The following PLA2G4B variants were observed in gnomAD, a reference collection of about 807,000 sequenced individuals.
The protein encoded by PLA2G4B is cytosolic phospholipase A2 beta.
PLA2G4B carries 122 observed loss-of-function variants against 95.8 expected under a neutral mutation model. That is an observed-to-expected ratio of 1.27 (90% CI 1.10 to 1.48). The LOEUF is 1.48. PLA2G4B is among the 40% of genes most tolerant of loss of function. The pLI, the probability that PLA2G4B is intolerant of heterozygous loss-of-function variation, is 0.00. For missense variants in PLA2G4B, 1,158 were observed against 996.2 expected (o/e 1.16, Z -2.19); for synonymous variants, 518 against 421.5 (o/e 1.23, Z -2.80).
intron 10 of PLA2G4B, chr15:41,843,312 A>C: frequency 5.5e-6 from 1 of 182,846 alleles, no homozygotes; most frequent in Non-Finnish European, 1.1e-5. Flanking sequence ...GCCTCAAGTT[A>C]TATGCCTGCC....
At position 41,842,560 on chromosome 15, in the gene PLA2G4B, C is replaced by T. The variant is rs2065453397; in HGVS notation, c.712C>T (p.Leu238=). 2.5e-6 allele frequency: 4 copies of T among 1,610,802 alleles called. No homozygotes were observed. Among genetic ancestry groups the T allele is most frequent in the Non-Finnish European group, 3.4e-6 (4 of 1,179,132 alleles). The change falls in exon 10 of 20, where the codon CTG becomes TTG. Residue 238 remains leucine (L), a synonymous_variant. Coordinates refer to ENST00000458483, the MANE Select transcript of PLA2G4B (RefSeq NM_001114633.2). The part of the protein sequence containing the change: ...RLVFPTSQEP[L]MRVELKKEAG... Reference sequence around the variant, plus strand: ...GGGCCTTCACGGTTTTCAGGAGCCCCTGATGAGAGTGGAGCTGAAAAAAGA... The same window carrying T: ...GGGCCTTCACGGTTTTCAGGAGCCCTTGATGAGAGTGGAGCTGAAAAAAGA...
rs370668656 is a variant in PLA2G4B, at chr15:41,838,928, G to A, written c.9+6G>A. On this transcript the variant is annotated splice_donor_region_variant and intron_variant, in intron 1 of 19. Transcript: ENST00000458483. ...GACTCAGTCTCATGGCTGTGGTAAG[G>A]CCTGGCAGGGCCCTGGGTCCCTACT... 8 of 1,590,618 alleles carry A rather than the reference G, an allele frequency of 5.0e-6. No individual in the cohort carries two copies. The highest frequency in any genetic ancestry group is 1.7e-4 in the Middle Eastern group (1 of 6,056).
Position 41,847,659 on chromosome 15 carries a change from G to A in PLA2G4B, c.2145G>A (p.Arg715=), listed in dbSNP as rs570785060. 1 of 1,613,628 alleles carries A rather than the reference G, an allele frequency of 6.2e-7. No homozygotes were observed. Among genetic ancestry groups the A allele is most frequent in the African/African-American group, 1.3e-5 (1 of 75,056 alleles). Residue 715 remains arginine (R), a synonymous_variant, in exon 20 of 20, where the codon CGG becomes CGA. Transcript: ENST00000458483. The part of the protein sequence containing the change: ...FREYSAPGVR[R]TPEEAAAGEV... ...GCACTCTCTCCACAGGGGTCCGGCG[G>A]ACACCCGAGGAGGCGGCAGCTGGGG... is the stretch of plus-strand genomic sequence containing the variant.
Position 41,847,796 on chromosome 15 carries a change from A to G in PLA2G4B, c.2282A>G (p.Gln761Arg), listed in dbSNP as rs1226423686. ...ACACATTACAATGTCTGCAACAACCAGGAGCAGCTGCTGGAGGCTCTGCGC... is the reference window on the plus strand; with the variant it reads ...ACACATTACAATGTCTGCAACAACCGGGAGCAGCTGCTGGAGGCTCTGCGC... The part of the protein sequence containing the change: ...HLTHYNVCNN[Q>R]EQLLEALRQA... Residue 761 changes from glutamine to arginine, a missense_variant, in exon 20 of 20, where the codon CAG becomes CGG. Physicochemically the swap from Gln to Arg is conservative, Grantham distance 43. Coordinates refer to ENST00000458483, the MANE Select transcript of PLA2G4B (RefSeq NM_001114633.2). 16 of 1,613,378 alleles carry G rather than the reference A, an allele frequency of 9.9e-6. No individual in the cohort carries two copies. The South Asian group carries it at 1.5e-4, about 15-fold the overall frequency.
At position 41,841,951 on chromosome 15, in the gene PLA2G4B, T is replaced by A. The variant is rs749081131; in HGVS notation, c.621+2T>A. ...CAGGAGCTGAGTATTCGCCTGCAGG[T>A]AGTGTGCCTCGCTCCCTCGAGGTGG... On this transcript the variant is annotated splice_donor_variant, in intron 8 of 19. Coordinates refer to ENST00000458483, the MANE Select transcript of PLA2G4B (RefSeq NM_001114633.2). LOFTEE classifies it high-confidence loss of function. 1 of 1,610,298 alleles carries A rather than the reference T, an allele frequency of 6.2e-7. No homozygotes were observed. Among genetic ancestry groups the A allele is most frequent in the Admixed American group, 1.7e-5 (1 of 59,918 alleles).
Position 41,847,666 on chromosome 15 carries a change from G to A in PLA2G4B, c.2152G>A (p.Glu718Lys), listed in dbSNP as rs556452143. 19 of 1,613,592 alleles carry A rather than the reference G, an allele frequency of 1.2e-5. No homozygotes were observed. In the African/African-American group the frequency reaches 1.9e-4, roughly 16 times the overall value. Residue 718 changes from glutamate (E) to lysine (K), a missense_variant, in exon 20 of 20, where the codon GAG becomes AAG. Coordinates refer to ENST00000458483, the MANE Select transcript of PLA2G4B (RefSeq NM_001114633.2). ...YSAPGVRRTP[E>K]EAAAGEVNLS... ...CTCCACAGGGGTCCGGCGGACACCC[G>A]AGGAGGCGGCAGCTGGGGAGGTGAA...
chr15:41,838,985 A>C, intron 1 of PLA2G4B, 63 bp downstream of exon 1: 1 of 1,359,116 alleles, frequency 7.4e-7, no homozygotes, highest in East Asian at 2.5e-5. Flanking sequence ...GGGCCTAGTT[A>C]ATATGTTTCT....
At chr15:41,839,556 G>A (rs1278321903) in intron 1 of PLA2G4B, 1 of 153,908 alleles carries the variant, frequency 6.5e-6, no homozygotes, top group Non-Finnish European at 1.4e-5. Context: ...CCAGGAGAGA[G>A]CCCATTTCCA....
chr15:41,840,996 C>G, intron 4 of PLA2G4B, 59 bp from the exon 5 acceptor site: 1 of 1,573,528 alleles, frequency 6.4e-7, no homozygotes, highest in Non-Finnish European at 8.7e-7. Flanking sequence ...CTCTCATACT[C>G]ACTGACATAT....
rs761917020 is a variant in PLA2G4B at position 41,847,840 on chromosome 15, C to T, written c.2326C>T (p.Arg776Trp). ...TCTGCGCCAGGCAGTGCAGCGGAGGCGGCAGCGCAGGCCCCACTGATGGCC... is the reference window on the plus strand; with the variant it reads ...TCTGCGCCAGGCAGTGCAGCGGAGGTGGCAGCGCAGGCCCCACTGATGGCC... Reference protein sequence around the residue: ...EALRQAVQRRRQRRPH With the variant: ...EALRQAVQRRWQRRPH Residue 776 changes from arginine (R) to tryptophan (W), a missense_variant, in exon 20 of 20, where the codon CGG becomes TGG. Arg to Trp is a moderately radical substitution (Grantham distance 101). Transcript: ENST00000458483. The T allele has an allele frequency of 5.6e-6, 9 of 1,612,814 alleles. No homozygotes were observed. The highest frequency in any genetic ancestry group is 4.5e-5 in the East Asian group (2 of 44,870).
Position 41,848,024 on chromosome 15 carries a change from T to C in PLA2G4B, c.*164T>C. 1 of 981,762 alleles carries C rather than the reference T, an allele frequency of 1.0e-6. No homozygotes were observed. The highest frequency in any genetic ancestry group is 1.7e-5 in the South Asian group (1 of 58,590). 60.8% of individuals were successfully genotyped at this position (981,762 alleles called of 1,614,324 possible). ...TCCCTTGCGCCTCAGCAGTTTGCAG[T>C]GGGGTAAGGAGGCCAAGCCCATTTG... On this transcript the variant is annotated 3_prime_UTR_variant, in exon 20 of 20. Coordinates refer to ENST00000458483, the MANE Select transcript of PLA2G4B (RefSeq NM_001114633.2).
At chr15:41,845,811 A>C (rs1436743445) in intron 15 of PLA2G4B, 36 bp downstream of exon 15, 1 of 1,563,222 alleles carries the variant, frequency 6.4e-7, no homozygotes, top group South Asian at 1.2e-5. Flanking sequence ...AGCTGGGCCG[A>C]GCAGGGAAAA....
rs778507511 is a variant in PLA2G4B at position 41,843,681 on chromosome 15, G to C, written c.749G>C (p.Arg250Thr). The C allele has an allele frequency of 6.2e-7, 1 of 1,613,260 alleles. No individual in the cohort carries two copies. Among genetic ancestry groups the C allele is most frequent in the Non-Finnish European group, 8.5e-7 (1 of 1,179,652 alleles). ...TCTCTTCCTTCCCCGGCCAGACTGA[G>C]GGAGCTGGCCGTGCGACTGGGCTTC... ...RVELKKEAGLRELAVRLGFGP... is the reference protein window; with the variant it reads ...RVELKKEAGLTELAVRLGFGP... The change falls in exon 11 of 20, where the codon AGG becomes ACG. Residue 250 changes from arginine to threonine, a missense_variant. Arg to Thr is a moderately conservative substitution (Grantham distance 71). Coordinates refer to ENST00000458483, the MANE Select transcript of PLA2G4B (RefSeq NM_001114633.2).
chr15:41,846,533 C>T, intron 17 of PLA2G4B, 136 bp from the exon 18 acceptor site: 1 of 1,505,080 alleles, frequency 6.6e-7, no homozygotes, highest in Non-Finnish European at 8.9e-7. Flanking sequence ...GTCTTGGGGA[C>T]CCAGGGCCCA....
chr15:41,847,270 C>T (rs147319482), intron 18 of PLA2G4B, 67 bp from the exon 19 acceptor site: 26 of 1,521,212 alleles, frequency 1.7e-5, no homozygotes, highest in African/African-American at 8.3e-5. Context: ...GTGCATCTTA[C>T]GTCAGCCCCA....
chr15:41,845,169 G>T, intron 13 of PLA2G4B, 34 bp from the exon 14 acceptor site: 3 of 1,613,188 alleles, frequency 1.9e-6, no homozygotes, highest in Non-Finnish European at 8.5e-7. Flanking sequence ...CACCCAGGCC[G>T]CTGTGGGTTT....
chr15:41,845,554 C>T, intron 14 of PLA2G4B, 84 bp from the exon 15 acceptor site: 1 of 1,572,896 alleles, frequency 6.4e-7, no homozygotes, highest in Non-Finnish European at 8.6e-7. Flanking sequence ...CCTCAGCTGC[C>T]CTAAAGCAAA....
At position 41,842,598 on chromosome 15, in the gene PLA2G4B, G is replaced by C. The variant is rs538871106; in HGVS notation, c.743+7G>C. 26 of 1,608,918 alleles carry C rather than the reference G, an allele frequency of 1.6e-5. No homozygotes were observed. In the South Asian group the frequency reaches 2.1e-4, roughly 13 times the overall value. On this transcript the variant is annotated splice_region_variant and intron_variant, in intron 10 of 19. Coordinates refer to ENST00000458483, the MANE Select transcript of PLA2G4B (RefSeq NM_001114633.2). The stretch of plus-strand genomic sequence containing the variant: ...AGCTGAAAAAAGAAGCAGGGTGAGA[G>C]GCCTGGCTGGGGACTGGGCAAGGCC...
Position 41,847,985 on chromosome 15 carries a change from T to G in PLA2G4B, c.*125T>G. The G allele has an allele frequency of 7.5e-7, 1 of 1,328,868 alleles. No individual in the cohort carries two copies. The highest frequency in any genetic ancestry group is 1.0e-6 in the Non-Finnish European group (1 of 987,868). 82.3% of individuals were successfully genotyped at this position (1,328,868 alleles called of 1,614,324 possible). ...GGTGGCACGGTCCCAGGGTCCAGGC[T>G]GAGGGCTGGGAGCTCCCTTGCGCCT... On this transcript the variant is annotated 3_prime_UTR_variant, in exon 20 of 20. Transcript: ENST00000458483.
Sources: allele counts gnomAD v4.1 joint callset, GRCh38; gene constraint gnomAD v4.1.1; transcripts MANE v1.5; gene names NCBI Gene and HGNC (gene_info 2026-07-23, HGNC 2026-07-21).